Variants in DSE observed in about 807,000 individuals in gnomAD.
DSE encodes the protein dermatan sulfate epimerase.
Under a neutral mutation model 84.4 loss-of-function variants are expected in DSE, and 36 were observed. That is an observed-to-expected ratio of 0.43 (90% CI 0.33 to 0.56). DSE has a LOEUF of 0.56. DSE is among the 20% of genes least tolerant of loss of function. The pLI is 0.06. For synonymous variants in DSE, 410 were observed against 430.1 expected (o/e 0.95, Z 0.58); for missense variants, 862 against 1,169.6 (o/e 0.74, Z 3.84).
At position 116,439,397 on chromosome 6, in the gene DSE, G is replaced by A. The variant is rs190530016; in HGVS notation, c.*2052G>A. On this transcript the variant is annotated 3_prime_UTR_variant, in exon 6 of 6. Coordinates refer to ENST00000644252, the MANE Select transcript of DSE (RefSeq NM_013352.4). Reference sequence around the variant, plus strand: ...TTTTAAAGTAGTCTTTTTAAAATACGCATCTTTAAAACAAAATGAATTAAA... The same window carrying A: ...TTTTAAAGTAGTCTTTTTAAAATACACATCTTTAAAACAAAATGAATTAAA... 21 of 150,952 alleles carry A rather than the reference G, an allele frequency of 1.4e-4. No homozygotes were observed. The highest frequency in any genetic ancestry group is 2.6e-4 in the Admixed American group (4 of 15,118). The allele number at this position is 150,952 out of a possible 1,614,324, so 9.4% of individuals were successfully genotyped here.
At chr6:116,318,470 C>G (rs1435214665) in intron 2 of DSE, among the ~76,000 whole-genome samples, 1 of 151,762 alleles carries the variant, frequency 6.6e-6, no homozygotes, top group East Asian at 1.9e-4. Flanking sequence ...CCACTGCGCT[C>G]CAGGCTGGGC....
intron 2 of DSE, among the ~76,000 whole-genome samples, chr6:116,271,070 G>A (rs771554351): frequency 9.9e-5 from 15 of 152,224 alleles, no homozygotes; most frequent in Non-Finnish European, 1.9e-4. Context: ...ACCCCACAGG[G>A]TAGGGAACTT....
chr6:116,393,770 G>A (rs557569), intron 1 of DSE, among the ~76,000 whole-genome samples: 80,145 of 152,050 alleles, frequency 0.53, 21,880 homozygotes, highest in African/African-American at 0.64. Flanking sequence ...ATCCATCTTA[G>A]TTTGGGGCAT....
chr6:116,274,077 G>A (rs1375988892), intron 2 of DSE, among the ~76,000 whole-genome samples: 5 of 151,506 alleles, frequency 3.3e-5, no homozygotes, highest in Admixed American at 1.3e-4. Context: ...TGATCCAGCC[G>A]CCTCGGCCTC....
intron 2 of DSE, among the ~76,000 whole-genome samples, chr6:116,263,306 T>C (rs187217924): frequency 6.6e-6 from 1 of 152,268 alleles, no homozygotes; most frequent in East Asian, 1.9e-4. Context: ...GTTGGGTGCA[T>C]AGTTAGGTCT....
chr6:116,298,543 C>G (rs1261104059), intron 2 of DSE, among the ~76,000 whole-genome samples: 1 of 152,122 alleles, frequency 6.6e-6, no homozygotes, highest in East Asian at 1.9e-4. Context: ...AATGGATTAC[C>G]CTCTAGAGGT....
chr6:116,269,915 T>A (rs992683923), intron 2 of DSE, among the ~76,000 whole-genome samples: 1 of 152,146 alleles, frequency 6.6e-6, no homozygotes, highest in Non-Finnish European at 1.5e-5. Context: ...GGATCAAGAC[T>A]GGAACACAGC....
At chr6:116,335,459 T>C (rs1777186823) in intron 2 of DSE, among the ~76,000 whole-genome samples, 1 of 152,166 alleles carries the variant, frequency 6.6e-6, no homozygotes, top group African/African-American at 2.4e-5. Context: ...AAAAAATCTG[T>C]ACAACAAACC....
chr6:116,401,866 A>G (rs1781617909), intron 2 of DSE, among the ~76,000 whole-genome samples: 1 of 152,164 alleles, frequency 6.6e-6, no homozygotes, highest in Non-Finnish European at 1.5e-5. Context: ...CAGAAAAAAC[A>G]AAAACAAAAA....
chr6:116,387,294 CT>C (rs1780634947), intron 1 of DSE, among the ~76,000 whole-genome samples: 1 of 151,256 alleles, frequency 6.6e-6, no homozygotes. Context: ...TGAAACAGTA[CT>C]TAGGAAAAAA....
chr6:116,346,617 T>C (rs1282176775), intron 2 of DSE, among the ~76,000 whole-genome samples: 1 of 152,214 alleles, frequency 6.6e-6, no homozygotes, highest in Non-Finnish European at 1.5e-5. Context: ...ATGGGATGTA[T>C]GTCAAAATAA....
chr6:116,282,073 C>T (rs754275199), intron 2 of DSE, among the ~76,000 whole-genome samples: 4 of 152,206 alleles, frequency 2.6e-5, no homozygotes, highest in Non-Finnish European at 5.9e-5. Flanking sequence ...ATCAAAGCCT[C>T]GGACTACCAG....
At chr6:116,261,896 A>T (rs1772430670) in intron 2 of DSE, among the ~76,000 whole-genome samples, 1 of 152,162 alleles carries the variant, frequency 6.6e-6, no homozygotes, top group South Asian at 2.1e-4. Flanking sequence ...GATGAATCAC[A>T]TCATTAATTT....
intron 2 of DSE, among the ~76,000 whole-genome samples, chr6:116,329,445 A>T (rs1465488002): frequency 6.6e-6 from 1 of 152,192 alleles, no homozygotes; most frequent in Non-Finnish European, 1.5e-5. Context: ...TTTAGTGGAA[A>T]TTTTTCAACA....
chr6:116,271,940 C>T (rs1772897854), intron 2 of DSE, among the ~76,000 whole-genome samples: 1 of 152,174 alleles, frequency 6.6e-6, no homozygotes, highest in Non-Finnish European at 1.5e-5. Context: ...ATATGGAGCA[C>T]TATTACCCCT....
chr6:116,354,382 T>C (rs1778471663), intron 2 of DSE, among the ~76,000 whole-genome samples: 2 of 152,182 alleles, frequency 1.3e-5, no homozygotes, highest in South Asian at 4.1e-4. Flanking sequence ...CTCTTTTTTC[T>C]GGTATAAGAA....
intron 2 of DSE, chr6:116,259,390 T>C (rs1772303911): frequency 4.0e-6 from 1 of 248,904 alleles, no homozygotes. Flanking sequence ...GCAGCAATGC[T>C]CTTCTGAGAT....
In DSE at chr6:116,442,610, T is replaced by G. The variant is rs35498647; in HGVS notation, c.*5265T>G. On this transcript the variant is annotated 3_prime_UTR_variant, in exon 6 of 6. Transcript: ENST00000644252. ...TCAGGAATTCTCCAGACTGGTGGTG[T>G]TGGCCCACAGGGTGTGTGATGGAGA... 44,610 of 152,070 alleles carry G rather than the reference T, an allele frequency of 0.29. 7,967 individuals carry two copies. Among genetic ancestry groups the G allele is most frequent in the Middle Eastern group, 0.45 (132 of 294 alleles). 9.4% of individuals were successfully genotyped at this position (152,070 alleles called of 1,614,324 possible).
At chr6:116,389,183 C>G (rs916869189) in intron 1 of DSE, among the ~76,000 whole-genome samples, 1 of 152,022 alleles carries the variant, frequency 6.6e-6, no homozygotes, top group Non-Finnish European at 1.5e-5. Flanking sequence ...CATTTTAATG[C>G]TTTAAGTATA....
Sources: allele counts gnomAD v4.1 joint callset (sites outside exome capture counted in the v4.1 genomes callset), GRCh38; gene constraint gnomAD v4.1.1; transcripts MANE v1.5; gene names NCBI Gene and HGNC (gene_info 2026-07-23, HGNC 2026-07-21).